The following CTNNA3 variants were observed in gnomAD, a reference collection of about 807,000 sequenced individuals.
CTNNA3 encodes catenin alpha-3.
In CTNNA3, 76 loss-of-function variants were observed where a neutral mutation model predicts 95.7. The ratio of observed to expected loss-of-function variants is 0.79; its 90% CI spans 0.66 to 0.96. The LOEUF is 0.96. CTNNA3 is among the 40% of genes least tolerant of loss of function. The pLI, the probability that CTNNA3 is intolerant of heterozygous loss-of-function variation, is 0.00. For synonymous variants in CTNNA3, 431 were observed against 374.4 expected, an observed-to-expected ratio of 1.15 and a Z score of -1.74; for missense variants, 1,191 against 1,089.8, an observed-to-expected ratio of 1.09 and a Z score of -1.31.
intron 16 of CTNNA3, among the ~76,000 whole-genome samples, chr10:65,984,036 A>G (rs2078376094): frequency 6.6e-6 from 1 of 151,280 alleles, no homozygotes; most frequent in African/African-American, 2.4e-5. Context: ...ATATATATAA[A>G]CATGCATTTA....
At chr10:66,277,211 T>A (rs1303122141) in intron 13 of CTNNA3, among the ~76,000 whole-genome samples, 1 of 152,142 alleles carries the variant, frequency 6.6e-6, no homozygotes, top group Non-Finnish European at 1.5e-5. Context: ...AAAGACATAA[T>A]CATATTTTTA....
chr10:67,618,850 C>T (rs1036933495), intron 2 of CTNNA3, among the ~76,000 whole-genome samples: 4 of 152,180 alleles, frequency 2.6e-5, no homozygotes, highest in Non-Finnish European at 4.4e-5. Flanking sequence ...CATTTTGTCT[C>T]ATTGTTTGGG....
chr10:67,535,482 T>G (rs569300489), intron 4 of CTNNA3, among the ~76,000 whole-genome samples: 6 of 152,064 alleles, frequency 3.9e-5, no homozygotes, highest in East Asian at 3.9e-4. Flanking sequence ...AAGACTAGTA[T>G]CAGAGGAGGA....
In CTNNA3 at chr10:67,161,922, T is replaced by C. The variant is rs191304044; in HGVS notation, c.1047+18395A>G. ...GAAGACTGCAAAGACAGAAAATTAC[T>C]CAGGAGAGAGGGAGACATTACATAA... On this transcript the variant is annotated intron_variant, in intron 7 of 17. Transcript: ENST00000433211. Among the ~76,000 whole-genome samples the C allele has an allele frequency of 2.7e-3, 417 of 152,176 alleles. 3 individuals carry two copies. The highest frequency in any genetic ancestry group is 9.7e-3 in the African/African-American group (403 of 41,540).
chr10:66,554,424 A>T (rs200657336), intron 10 of CTNNA3, among the ~76,000 whole-genome samples: 1,850 of 146,842 alleles, frequency 0.013, 27 homozygotes, highest in Middle Eastern at 0.018. Context: ...CATAATTTTT[A>T]AAAAAAATAA....
chr10:66,897,811 A>C (rs1845562104), intron 7 of CTNNA3, among the ~76,000 whole-genome samples: 1 of 152,194 alleles, frequency 6.6e-6, no homozygotes, highest in African/African-American at 2.4e-5. Context: ...TATCAACATA[A>C]ACATGCAAAA....
chr10:66,773,057 G>C (rs186441759), intron 8 of CTNNA3, among the ~76,000 whole-genome samples: 1 of 152,256 alleles, frequency 6.6e-6, no homozygotes, highest in Non-Finnish European at 1.5e-5. Context: ...AACTTATATT[G>C]CTGTTTTAAT....
intron 5 of CTNNA3, among the ~76,000 whole-genome samples, chr10:67,315,630 A>C (rs73266250): frequency 0.055 from 8,404 of 152,180 alleles, 753 homozygotes; most frequent in African/African-American, 0.19. Context: ...GTAATATCGA[A>C]ATAATAGTAA....
At chr10:66,551,898 T>C (rs1842229486) in intron 10 of CTNNA3, among the ~76,000 whole-genome samples, 1 of 111,004 alleles carries the variant, frequency 9.0e-6, no homozygotes, top group African/African-American at 3.0e-5. Context: ...TTCTTTTCCT[T>C]TTTTTTTTTT....
intron 7 of CTNNA3, among the ~76,000 whole-genome samples, chr10:67,153,439 T>C (rs1290305482): frequency 6.6e-6 from 1 of 152,252 alleles, no homozygotes; most frequent in Non-Finnish European, 1.5e-5. Flanking sequence ...CTTTATCTCA[T>C]GTCATCATCA....
chr10:66,960,614 C>T (rs950021185), intron 7 of CTNNA3, among the ~76,000 whole-genome samples: 1 of 152,080 alleles, frequency 6.6e-6, no homozygotes, highest in South Asian at 2.1e-4. Context: ...TTAATTGAAT[C>T]AAATATTGTG....
rs570435211 is a variant in CTNNA3, at chr10:66,958,549, T to C, written c.1048-183025A>G. On this transcript the variant is annotated intron_variant, in intron 7 of 17. Transcript: ENST00000433211. ...CAGCTGGGTTCAGAATTTGCATGTT[T>C]CCCAGGCAAAAGAATTCAATAAGTA... Among the ~76,000 whole-genome samples, 3 of 152,186 alleles carry C rather than the reference T, an allele frequency of 2.0e-5. No individual in the cohort carries two copies. In the South Asian group the frequency reaches 6.2e-4, roughly 32 times the overall value.
intron 11 of CTNNA3, among the ~76,000 whole-genome samples, chr10:66,510,206 A>T (rs948985894): frequency 3.3e-5 from 5 of 151,910 alleles, no homozygotes; most frequent in African/African-American, 9.7e-5. Context: ...CATTACTGGT[A>T]TATAAAATAC....
intron 7 of CTNNA3, among the ~76,000 whole-genome samples, chr10:67,115,667 T>C (rs1859144412): frequency 6.6e-6 from 1 of 151,296 alleles, no homozygotes; most frequent in Non-Finnish European, 1.5e-5. Flanking sequence ...ACAATGAAAT[T>C]AAAAATAAAA....
chr10:66,131,540 G>A (rs1589499022), intron 13 of CTNNA3, among the ~76,000 whole-genome samples: 1 of 151,952 alleles, frequency 6.6e-6, no homozygotes, highest in Non-Finnish European at 1.5e-5. Flanking sequence ...CAGAGAACTA[G>A]AAAAACTATT....
At chr10:67,499,852 A>G (rs764697558) in intron 5 of CTNNA3, among the ~76,000 whole-genome samples, 1 of 151,912 alleles carries the variant, frequency 6.6e-6, no homozygotes, top group African/African-American at 2.4e-5. Flanking sequence ...CTAGAAGTCT[A>G]TCTATTTTGT....
chr10:66,799,069 C>T (rs1298249448), intron 7 of CTNNA3, among the ~76,000 whole-genome samples: 1 of 151,476 alleles, frequency 6.6e-6, no homozygotes, highest in Non-Finnish European at 1.5e-5. Context: ...CAAATGGGAC[C>T]TAACCCAAGC....
At chr10:66,761,421 T>G (rs1300865860) in intron 9 of CTNNA3, among the ~76,000 whole-genome samples, 1 of 152,292 alleles carries the variant, frequency 6.6e-6, no homozygotes, top group Admixed American at 6.5e-5. Flanking sequence ...GAAAATTCTT[T>G]AATTTATAGA....
chr10:67,330,086 A>C (rs1013520745), intron 5 of CTNNA3, among the ~76,000 whole-genome samples: 1 of 152,222 alleles, frequency 6.6e-6, no homozygotes, highest in Non-Finnish European at 1.5e-5. Context: ...CTTATATGTC[A>C]TTAATCTTAC....
Sources: gnomAD v4.1 joint callset for allele counts (sites outside exome capture counted in the v4.1 genomes callset) on GRCh38, gnomAD v4.1.1 for gene constraint, MANE v1.5 for transcripts, NCBI Gene and HGNC (gene_info 2026-07-23, HGNC 2026-07-21) for gene names.